Variants in ISL1 observed in about 807,000 individuals in gnomAD.
ISL1 encodes the protein ISL LIM homeobox 1, also known as insulin gene enhancer protein ISL-1.
Under a neutral mutation model 35.3 loss-of-function variants are expected in ISL1, and 4 were observed. The observed-to-expected ratio is 0.11, with a 90% CI of 0.06 to 0.26. The LOEUF (loss-of-function observed/expected upper bound fraction) is 0.26. Ranked by LOEUF, ISL1 falls within the 10% of genes least tolerant of loss-of-function variation. The probability of loss-of-function intolerance (pLI) is 1.00; values close to 1 mark genes in which losing one functional copy is unlikely to be tolerated. For missense variants in ISL1, 340 were observed against 472.8 expected, an observed-to-expected ratio of 0.72 and a Z score of 2.60; for synonymous variants, 186 against 172.3, an observed-to-expected ratio of 1.08 and a Z score of -0.62.
Position 51,383,545 on chromosome 5 carries a change from C to A in ISL1, c.-127C>A, listed in dbSNP as rs534317394. On this transcript the variant is annotated 5_prime_UTR_variant, in exon 1 of 6. Coordinates refer to ENST00000230658, the MANE Select transcript of ISL1 (RefSeq NM_002202.3). ...GGCGCGGCGCAGCCGAGCAGCGGCT[C>A]TTTCAGCATTGGCAACCCCAGGGGC... 1.2e-6 allele frequency: 1 copy of A among 845,200 alleles called. No individual in the cohort carries two copies. Among genetic ancestry groups the A allele is most frequent in the African/African-American group, 1.7e-5 (1 of 60,272 alleles). 52.4% of individuals were successfully genotyped at this position (845,200 alleles called of 1,614,324 possible). A position where few individuals can be genotyped will look rare whatever the true frequency, so the allele number is the denominator to read the frequency against.
In ISL1 at chr5:51,390,660, T is replaced by C. The variant is rs1257806827; in HGVS notation, c.766-614T>C. On this transcript the variant is annotated intron_variant, in intron 4 of 5. Transcript: ENST00000230658. ...TCTTTTTCTTTTTTTTTTTTTTTTT[T>C]TTTTTTTTTTTTTTTTTTTTACTGC... Among the ~76,000 whole-genome samples, 159 of 128,380 alleles carry C rather than the reference T, an allele frequency of 1.2e-3. 10 individuals carry two copies. The highest frequency in any genetic ancestry group is 4.0e-3 in the Middle Eastern group (1 of 248). The allele number at this position is 128,380 out of a possible 152,430, so 84.2% of individuals were successfully genotyped here.
chr5:51,384,371 C>T (rs1287707454), intron 1 of ISL1, among the ~76,000 whole-genome samples, 170 bp from the exon 2 acceptor site: 1 of 142,990 alleles, frequency 7.0e-6, no homozygotes, highest in Non-Finnish European at 1.5e-5. Flanking sequence ...TTTGATGGCA[C>T]ATTTCAATTA....
chr5:51,384,664 A>G lies in ISL1; in HGVS notation c.152A>G (p.Tyr51Cys). The G allele has an allele frequency of 6.2e-7, 1 of 1,614,120 alleles. No individual in the cohort carries two copies. The highest frequency in any genetic ancestry group is 8.5e-7 in the Non-Finnish European group (1 of 1,179,992). The change falls in exon 2 of 6, where the codon TAT becomes TGT. Residue 51 changes from tyrosine to cysteine, a missense_variant. Physicochemically the swap from Tyr to Cys is radical, Grantham distance 194. This residue lies in a region of ISL1 where 70 missense variants were observed against 130.3 expected (regional missense o/e 0.54). Transcript: ENST00000230658. Reference protein sequence around the residue: ...ACLKCAECNQYLDESCTCFVR... With the variant: ...ACLKCAECNQCLDESCTCFVR... ...TTGAAATGTGCGGAGTGTAATCAGT[A>G]TTTGGACGAGAGCTGTACATGCTTT...
chr5:51,385,930 C>CT (rs1747332330), intron 2 of ISL1, among the ~76,000 whole-genome samples: 1 of 151,658 alleles, frequency 6.6e-6, no homozygotes, highest in South Asian at 2.1e-4. Context: ...TTTTTTTCTT[C>CT]TTTTTTAAAA....
chr5:51,389,581 G>A lies in ISL1; in HGVS notation c.479-65G>A. The A allele has an allele frequency of 1.5e-6, 2 of 1,367,924 alleles. No homozygotes were observed. Among genetic ancestry groups the A allele is most frequent in the African/African-American group, 1.5e-5 (1 of 65,108 alleles). 84.7% of individuals were successfully genotyped at this position (1,367,924 alleles called of 1,614,324 possible). ...GGCAAGCGAGCGAGCGAGCGAGCGC[G>A]CGACCGCGGGCGGGCCGGCAAGCGA... On this transcript the variant is annotated intron_variant, in intron 3 of 5. Coordinates refer to ENST00000230658, the MANE Select transcript of ISL1 (RefSeq NM_002202.3). This position sits in a 1 kb window ranked among gnomAD's most constrained non-coding sequence, Gnocchi z 5.0.
At chr5:51,384,476 TAA>T in intron 1 of ISL1, 63 bp from the exon 2 acceptor site, 1 of 1,450,244 alleles carries the variant, frequency 6.9e-7, no homozygotes, top group East Asian at 2.3e-5. Context: ...AGAACGACAC[TAA>T]AAGTGTGTTT....
intron 4 of ISL1, among the ~76,000 whole-genome samples, chr5:51,390,642 C>CTTTCTTTTTTTTTTTTTT (rs1747483445): frequency 7.5e-5 from 3 of 40,204 alleles, no homozygotes; most frequent in African/African-American, 1.0e-4. Flanking sequence ...CTTTCTTTTT[C>CTTTCTTTTTTTTTTTTTT]TTTTTTTTTT....
Position 51,383,557 on chromosome 5 carries a change from G to T in ISL1, c.-115G>T. 1.1e-6 allele frequency: 1 copy of T among 917,798 alleles called. No homozygotes were observed. Among genetic ancestry groups the T allele is most frequent in the Admixed American group, 1.7e-5 (1 of 57,934 alleles). 56.9% of individuals were successfully genotyped at this position (917,798 alleles called of 1,614,324 possible). A position where few individuals can be genotyped will look rare whatever the true frequency, so the allele number is the denominator to read the frequency against. On this transcript the variant is annotated 5_prime_UTR_variant, in exon 1 of 6. Transcript: ENST00000230658. ...CCGAGCAGCGGCTCTTTCAGCATTG[G>T]CAACCCCAGGGGCCAATATTTCCCA... is the stretch of plus-strand genomic sequence containing the variant.
chr5:51,391,132 G>C, intron 4 of ISL1, 142 bp from the exon 5 acceptor site: 2 of 750,810 alleles, frequency 2.7e-6, no homozygotes, highest in Non-Finnish European at 4.3e-6. Flanking sequence ...AATATCCGTA[G>C]GTACGGCGGA....
Position 51,387,433 on chromosome 5 carries a change from C to A in ISL1, c.219-57C>A. Reference sequence around the variant, plus strand: ...AAGTGCCGGCCTGAAGTGACCCCCTCTTCCTGTACTTCTCTCCCCGCTCTG... The same window carrying A: ...AAGTGCCGGCCTGAAGTGACCCCCTATTCCTGTACTTCTCTCCCCGCTCTG... On this transcript the variant is annotated intron_variant, in intron 2 of 5. Transcript: ENST00000230658. The surrounding 1 kb of genome is among the most constrained non-coding windows in gnomAD (Gnocchi z 4.3). The A allele has an allele frequency of 6.3e-7, 1 of 1,597,124 alleles. No homozygotes were observed. The highest frequency in any genetic ancestry group is 8.5e-7 in the Non-Finnish European group (1 of 1,169,876).
In ISL1 at chr5:51,394,625, GT is replaced by G. The variant is rs1384716836; in HGVS notation, c.*1019del. The G allele has an allele frequency of 6.6e-6, 1 of 152,430 alleles. No individual in the cohort carries two copies. Among genetic ancestry groups the G allele is most frequent in the Non-Finnish European group, 1.5e-5 (1 of 67,992 alleles). 9.4% of individuals were successfully genotyped at this position (152,430 alleles called of 1,614,324 possible). ...TTGAATTATATGTCTAATTCTATGT[GT>G]TTTGTCTTTTTCTTAAATATTATGT... On this transcript the variant is annotated 3_prime_UTR_variant, in exon 6 of 6. Coordinates refer to ENST00000230658, the MANE Select transcript of ISL1 (RefSeq NM_002202.3).
intron 2 of ISL1, among the ~76,000 whole-genome samples, chr5:51,386,780 A>T (rs1448907801): frequency 6.6e-6 from 1 of 152,244 alleles, no homozygotes; most frequent in Non-Finnish European, 1.5e-5. Flanking sequence ...TAAAAAAATA[A>T]TAATACAAGG....
intron 5 of ISL1, among the ~76,000 whole-genome samples, chr5:51,393,220 A>T (rs1298049449): frequency 6.6e-6 from 1 of 152,224 alleles, no homozygotes; most frequent in African/African-American, 2.4e-5. Context: ...AGTGGGAAAC[A>T]CATTTGTTCT....
At chr5:51,388,240 G>A (rs957570039) in intron 3 of ISL1, among the ~76,000 whole-genome samples, 4 of 152,080 alleles carry the variant, frequency 2.6e-5, no homozygotes, top group Admixed American at 2.0e-4. Flanking sequence ...CTTCACACTC[G>A]AAATTTTTTT....
chr5:51,390,078 CT>C, intron 4 of ISL1, 146 bp downstream of exon 4: 1 of 981,444 alleles, frequency 1.0e-6, no homozygotes, highest in Non-Finnish European at 1.5e-6. Flanking sequence ...CCTTACCCCC[CT>C]ACCCATGCCC....
chr5:51,384,010 T>A (rs1421155543), intron 1 of ISL1, among the ~76,000 whole-genome samples: 1 of 152,160 alleles, frequency 6.6e-6, no homozygotes, highest in Non-Finnish European at 1.5e-5. Flanking sequence ...TGCAAAGGTC[T>A]GCCTGCACAG....
At chr5:51,384,403 T>TAAAAAAAAAAAAAAAAA in intron 1 of ISL1, 138 bp from the exon 2 acceptor site, 2 of 584,606 alleles carry the variant, frequency 3.4e-6, no homozygotes, top group East Asian at 3.1e-5. Context: ...TGCAATGCTC[T>TAAAAAAAAAAAAAAAAA]AAAAAAAAAA....
chr5:51,390,175 C>A (rs905132856), intron 4 of ISL1, among the ~76,000 whole-genome samples: 3 of 152,280 alleles, frequency 2.0e-5, no homozygotes, highest in Admixed American at 2.0e-4. Context: ...GCATCCAGGT[C>A]CCAACCTCGT....
At chr5:51,391,474 A>G (rs1220193988) in intron 5 of ISL1, 33 bp downstream of exon 5, 1 of 1,611,826 alleles carries the variant, frequency 6.2e-7, no homozygotes, top group South Asian at 1.1e-5. Context: ...AAGAGGCTGA[A>G]TTCCCAACAG....
Sources: allele counts gnomAD v4.1 joint callset (sites outside exome capture counted in the v4.1 genomes callset), GRCh38; gene constraint gnomAD v4.1.1; regional missense constraint gnomAD v4.1.1; non-coding constraint Gnocchi (gnomAD v3.1); transcripts MANE v1.5; gene names NCBI Gene and HGNC (gene_info 2026-07-23, HGNC 2026-07-21).